Variants in CDH18 observed in about 807,000 individuals in gnomAD.
CDH18 encodes the protein cadherin 18.
A neutral mutation model predicts 67.9 loss-of-function variants in CDH18; 31 were observed. The observed-to-expected ratio is 0.46, with a 90% CI of 0.34 to 0.62. The LOEUF (loss-of-function observed/expected upper bound fraction) is 0.62. Ranked by LOEUF, CDH18 falls within the 20% of genes least tolerant of loss-of-function variation. The probability of loss-of-function intolerance (pLI) is 0.01; values close to 1 mark genes in which losing one functional copy is unlikely to be tolerated. For synonymous variants in CDH18, 362 were observed against 347.2 expected, an observed-to-expected ratio of 1.04 and a Z score of -0.48; for missense variants, 890 against 975.5, an observed-to-expected ratio of 0.91 and a Z score of 1.17.
intron 8 of CDH18, among the ~76,000 whole-genome samples, chr5:19,570,081 C>T (rs2149928862): frequency 6.6e-6 from 1 of 152,022 alleles, no homozygotes; most frequent in South Asian, 2.1e-4. Flanking sequence ...GTAAAGAAAG[C>T]CTCATTTGTA....
At chr5:20,098,638 A>G (rs1746190505) in intron 2 of CDH18, among the ~76,000 whole-genome samples, 1 of 152,068 alleles carries the variant, frequency 6.6e-6, no homozygotes, top group South Asian at 2.1e-4. Flanking sequence ...GTCATTTTCA[A>G]TTTTTTCCTT....
At chr5:20,081,860 G>T (rs948492643) in intron 2 of CDH18, among the ~76,000 whole-genome samples, 2 of 152,056 alleles carry the variant, frequency 1.3e-5, no homozygotes, top group African/African-American at 4.8e-5. Context: ...TGATTACCTG[G>T]TGATGAAAGA....
At chr5:20,168,757 T>C (rs1736481717) in intron 2 of CDH18, among the ~76,000 whole-genome samples, 1 of 151,984 alleles carries the variant, frequency 6.6e-6, no homozygotes, top group African/African-American at 2.4e-5. Flanking sequence ...CATCAACAGA[T>C]GAATGGAAAA....
At chr5:20,192,049 T>C (rs1215010788) in intron 2 of CDH18, among the ~76,000 whole-genome samples, 1 of 152,094 alleles carries the variant, frequency 6.6e-6, no homozygotes. Flanking sequence ...ATAATTGCCG[T>C]TCTGATTGGC....
intron 8 of CDH18, among the ~76,000 whole-genome samples, chr5:19,553,628 T>TCATA (rs1178486020): frequency 6.8e-6 from 1 of 147,168 alleles, no homozygotes; most frequent in African/African-American, 2.5e-5. Context: ...CAACTTGGTC[T>TCATA]CATACTTTTT....
At chr5:20,548,262 G>T (rs1428734) in intron 1 of CDH18, among the ~76,000 whole-genome samples, 66,449 of 150,588 alleles carry the variant, frequency 0.44, 15,085 homozygotes, top group East Asian at 0.57. Flanking sequence ...AAAAATAAAA[G>T]GTCATCTATG....
At chr5:20,546,743 A>T (rs945681813) in intron 1 of CDH18, among the ~76,000 whole-genome samples, 1 of 109,102 alleles carries the variant, frequency 9.2e-6, no homozygotes, top group African/African-American at 3.2e-5. Context: ...TATCACATAC[A>T]TACATAGACA....
chr5:20,279,461 G>A (rs1746054495), intron 1 of CDH18, among the ~76,000 whole-genome samples: 3 of 151,826 alleles, frequency 2.0e-5, no homozygotes, highest in African/African-American at 7.3e-5. Context: ...CACTCTGGGA[G>A]GCCGAGGCAG....
intron 5 of CDH18, among the ~76,000 whole-genome samples, chr5:19,691,578 T>C (rs1761896541): frequency 6.6e-6 from 1 of 151,880 alleles, no homozygotes; most frequent in African/African-American, 2.4e-5. Flanking sequence ...AACAGTAGTT[T>C]CTAAACACTA....
chr5:20,546,526 C>A (rs1380196794), intron 1 of CDH18, among the ~76,000 whole-genome samples: 2 of 152,106 alleles, frequency 1.3e-5, no homozygotes, highest in African/African-American at 4.8e-5. Flanking sequence ...AAGTAAAGCA[C>A]ATCTTATGTG....
At chr5:19,546,822 A>G (rs920888893) in intron 8 of CDH18, among the ~76,000 whole-genome samples, 5 of 152,202 alleles carry the variant, frequency 3.3e-5, no homozygotes, top group Admixed American at 2.6e-4. Context: ...CTTATCAGTA[A>G]AAAACACATA....
chr5:20,132,703 A>G (rs1749370921), intron 2 of CDH18, among the ~76,000 whole-genome samples: 1 of 152,196 alleles, frequency 6.6e-6, no homozygotes, highest in African/African-American at 2.4e-5. Flanking sequence ...ACTTTCAAAT[A>G]GCACTAAGTA....
chr5:19,909,462 G>A (rs972701644), intron 2 of CDH18, among the ~76,000 whole-genome samples: 4 of 151,642 alleles, frequency 2.6e-5, no homozygotes, highest in African/African-American at 9.7e-5. Context: ...ACCACACCTG[G>A]CTAATTTTGT....
chr5:19,618,466 G>A (rs1580524846), intron 5 of CDH18, among the ~76,000 whole-genome samples: 2 of 152,054 alleles, frequency 1.3e-5, no homozygotes, highest in South Asian at 2.1e-4. Flanking sequence ...TTGGCCTCCC[G>A]AAGTGCTGGG....
chr5:20,288,289 G>C (rs2126724819), intron 1 of CDH18, among the ~76,000 whole-genome samples: 1 of 151,820 alleles, frequency 6.6e-6, no homozygotes, highest in South Asian at 2.1e-4. Context: ...TCTGGAAAAA[G>C]TGAATGTACA....
chr5:20,394,547 C>T (rs1381659199), intron 1 of CDH18, among the ~76,000 whole-genome samples: 1 of 151,918 alleles, frequency 6.6e-6, no homozygotes, highest in Non-Finnish European at 1.5e-5. Flanking sequence ...ACAAATAGCC[C>T]AAAAGCAAAT....
chr5:19,974,520 C>CA (rs70954626), intron 2 of CDH18, among the ~76,000 whole-genome samples: 2,096 of 77,306 alleles, frequency 0.027, 4 homozygotes, highest in Admixed American at 0.034. Context: ...TCCTGTCTCC[C>CA]AAAAAAAAAA....
intron 2 of CDH18, among the ~76,000 whole-genome samples, chr5:19,859,452 T>G (rs1455985859): frequency 3.3e-5 from 5 of 152,062 alleles, no homozygotes. Context: ...CTGTCTCTTG[T>G]GGGGAAAATT....
intron 7 of CDH18, among the ~76,000 whole-genome samples, chr5:19,581,519 C>G (rs1287436535): frequency 6.6e-6 from 1 of 151,874 alleles, no homozygotes; most frequent in African/African-American, 2.4e-5. Flanking sequence ...GCTGTTTAGC[C>G]AAGTTGCCGT....
Sources: allele counts gnomAD v4.1 joint callset (sites outside exome capture counted in the v4.1 genomes callset), GRCh38; gene constraint gnomAD v4.1.1; transcripts MANE v1.5; gene names NCBI Gene and HGNC (gene_info 2026-07-23, HGNC 2026-07-21).